Variants in CHST9 observed in about 807,000 individuals in gnomAD.
CHST9 encodes carbohydrate sulfotransferase 9, also known as GalNAc-4-sulfotransferase 2.
Under a neutral mutation model 44.4 loss-of-function variants are expected in CHST9, and 41 were observed. That is an observed-to-expected ratio of 0.92 (90% CI 0.72 to 1.20). CHST9 has a LOEUF of 1.20. Ranked by LOEUF, CHST9 falls within the 50% of genes most tolerant of loss-of-function variation. The pLI is 0.00. For synonymous variants in CHST9, 171 were observed against 178.4 expected (o/e 0.96, Z 0.33); for missense variants, 504 against 516.5 (o/e 0.98, Z 0.23).
chr18:26,993,356 A>G (rs2056847559), intron 4 of CHST9, among the ~76,000 whole-genome samples: 1 of 152,220 alleles, frequency 6.6e-6, no homozygotes, highest in Non-Finnish European at 1.5e-5. Context: ...TATCTGGGGA[A>G]AAATCAGAAC....
intron 2 of CHST9, among the ~76,000 whole-genome samples, chr18:27,119,596 A>T (rs1363622058): frequency 1.3e-5 from 2 of 148,496 alleles, no homozygotes; most frequent in Non-Finnish European, 3.0e-5. Context: ...CTGTTTGTTT[A>T]TGTCTATACT....
chr18:27,011,722 C>T (rs562105163), intron 4 of CHST9, among the ~76,000 whole-genome samples: 10 of 152,358 alleles, frequency 6.6e-5, no homozygotes, highest in African/African-American at 2.2e-4. Flanking sequence ...AGGTTCCAAA[C>T]TCTCAGTCTC....
intron 3 of CHST9, among the ~76,000 whole-genome samples, chr18:27,040,067 C>T (rs1382506198): frequency 2.0e-5 from 3 of 152,048 alleles, no homozygotes; most frequent in African/African-American, 7.2e-5. Context: ...CAGATTGTTT[C>T]TATACAGTGT....
At chr18:27,029,135 A>C (rs1010320623) in intron 3 of CHST9, among the ~76,000 whole-genome samples, 2 of 152,166 alleles carry the variant, frequency 1.3e-5, no homozygotes, top group Admixed American at 6.5e-5. Flanking sequence ...GGCTCAAGAC[A>C]GTTCTCCTGG....
intron 3 of CHST9, among the ~76,000 whole-genome samples, chr18:27,030,901 T>C (rs1461069566): frequency 6.6e-6 from 1 of 152,044 alleles, no homozygotes. Context: ...CACTTCAGCC[T>C]TGAGATTCTA....
Position 26,916,756 on chromosome 18 carries a change from C to A in CHST9, c.835G>T (p.Val279Phe). ...ACTAATCTTTCCATGGGATCACGAA[C>A]AAACACAGCTTTGGTGTAAGTATTT... ...RLNTYTKAVF[V>F]RDPMERLVSA... is the part of the protein sequence containing the mutation. The change falls in exon 6 of 6, where the codon GTT becomes TTT. Residue 279 changes from valine to phenylalanine, a missense_variant. Transcript: ENST00000618847. The A allele has an allele frequency of 1.2e-6, 2 of 1,613,850 alleles. No homozygotes were observed. Among genetic ancestry groups the A allele is most frequent in the South Asian group, 1.1e-5 (1 of 91,078 alleles).
intron 2 of CHST9, among the ~76,000 whole-genome samples, chr18:27,141,281 C>A (rs181212042): frequency 2.3e-4 from 35 of 152,178 alleles, no homozygotes; most frequent in Non-Finnish European, 4.1e-4. Context: ...AGGAGAATGG[C>A]GTGAACCCAG....
At chr18:27,021,571 C>G (rs1403550670) in intron 4 of CHST9, among the ~76,000 whole-genome samples, 1 of 152,184 alleles carries the variant, frequency 6.6e-6, no homozygotes, top group African/African-American at 2.4e-5. Flanking sequence ...ACAGGTGTGG[C>G]TGTACCTGCA....
chr18:27,073,823 A>ATG (rs1313202392), intron 2 of CHST9, among the ~76,000 whole-genome samples: 1 of 152,106 alleles, frequency 6.6e-6, no homozygotes. Context: ...ATTTATATAT[A>ATG]TATACTGACT....
In CHST9 at chr18:27,179,452, C is replaced by A. The variant is rs551585430; in HGVS notation, c.-97+5684G>T. ...AAATAATCCACGCCTACATAAAAATCTTGGTTATCTAGCTCTATGGCTCTC... is the reference window on the plus strand; with the variant it reads ...AAATAATCCACGCCTACATAAAAATATTGGTTATCTAGCTCTATGGCTCTC... On this transcript the variant is annotated intron_variant, in intron 1 of 5. Coordinates refer to ENST00000618847, the MANE Select transcript of CHST9 (RefSeq NM_031422.6). 3.3e-5 allele frequency among the ~76,000 whole-genome samples: 5 copies of A among 152,078 alleles called. 1 individual carries two copies. The highest frequency in any genetic ancestry group is 9.6e-5 in the African/African-American group (4 of 41,544).
chr18:26,940,372 A>T (rs1040617371), intron 5 of CHST9, among the ~76,000 whole-genome samples: 19 of 152,162 alleles, frequency 1.2e-4, no homozygotes, highest in African/African-American at 4.6e-4. Context: ...TTAGGATTGG[A>T]GATGGGGTCT....
intron 3 of CHST9, among the ~76,000 whole-genome samples, chr18:27,027,329 G>C (rs1207911300): frequency 5.3e-5 from 8 of 152,182 alleles, no homozygotes; most frequent in African/African-American, 1.4e-4. Context: ...TTTCAATAAT[G>C]AATCAGGATT....
intron 5 of CHST9, chr18:26,930,869 A>G (rs180147): frequency 0.55 from 82,038 of 148,976 alleles, 22,317 homozygotes; most frequent in East Asian, 0.74. Flanking sequence ...CTGGGGGCAC[A>G]CCAACCCTTT....
chr18:26,987,917 C>T (rs1295370795), intron 4 of CHST9, among the ~76,000 whole-genome samples: 1 of 152,128 alleles, frequency 6.6e-6, no homozygotes, highest in Non-Finnish European at 1.5e-5. Flanking sequence ...TTCCCAGCCT[C>T]TAGAACTGTG....
chr18:27,093,437 C>G (rs2058087852), intron 2 of CHST9, among the ~76,000 whole-genome samples: 1 of 152,250 alleles, frequency 6.6e-6, no homozygotes, highest in Non-Finnish European at 1.5e-5. Flanking sequence ...TTTACCTACT[C>G]AAGCCTCAGC....
intron 2 of CHST9, among the ~76,000 whole-genome samples, chr18:27,080,129 C>T (rs919088010): frequency 2.6e-5 from 4 of 151,812 alleles, no homozygotes; most frequent in African/African-American, 9.7e-5. Context: ...TGGTCCTTGC[C>T]CTTAAAACCT....
At chr18:26,921,321 C>T (rs956878213) in intron 5 of CHST9, among the ~76,000 whole-genome samples, 1 of 152,158 alleles carries the variant, frequency 6.6e-6, no homozygotes, top group Non-Finnish European at 1.5e-5. Context: ...GGGAGATAAC[C>T]TCATGAGGGA....
At chr18:27,175,846 T>C (rs1214655844) in intron 1 of CHST9, among the ~76,000 whole-genome samples, 1 of 152,088 alleles carries the variant, frequency 6.6e-6, no homozygotes, top group African/African-American at 2.4e-5. Flanking sequence ...TAAATAATTA[T>C]ACAAATAAAT....
intron 2 of CHST9, among the ~76,000 whole-genome samples, chr18:27,104,139 G>C (rs912739257): frequency 6.6e-6 from 1 of 152,134 alleles, no homozygotes; most frequent in Non-Finnish European, 1.5e-5. Context: ...CACCTACTAA[G>C]AACTAGGCAC....
Sources: allele counts gnomAD v4.1 joint callset (sites outside exome capture counted in the v4.1 genomes callset), GRCh38; gene constraint gnomAD v4.1.1; transcripts MANE v1.5; gene names NCBI Gene and HGNC (gene_info 2026-07-23, HGNC 2026-07-21).